The following PCDH11X variants were observed in gnomAD, a reference collection of about 807,000 sequenced individuals.
PCDH11X encodes the protein protocadherin-11 X-linked.
Under a neutral mutation model 53.3 loss-of-function variants are expected in PCDH11X, and 18 were observed. The observed-to-expected ratio is 0.34, with a 90% CI of 0.23 to 0.50. PCDH11X has a LOEUF of 0.50. Among genes scored for constraint, PCDH11X ranks in the 20% least tolerant of loss-of-function variants. The pLI, the probability that PCDH11X is intolerant of heterozygous loss-of-function variation, is 0.98. For missense variants in PCDH11X, 570 were observed against 1,032.4 expected, an observed-to-expected ratio of 0.55 and a Z score of 6.14; for synonymous variants, 279 against 393.3, an observed-to-expected ratio of 0.71 and a Z score of 3.44.
intron 7 of PCDH11X, among the ~76,000 whole-genome samples, chrX:92,252,698 A>G (rs775569724): frequency 9.0e-6 from 1 of 111,036 alleles, no homozygotes; most frequent in African/African-American, 3.3e-5. Flanking sequence ...ATTTTAGTCA[A>G]CTTTTAAAAG....
At chrX:92,043,056 G>GA (rs890135603) in intron 6 of PCDH11X, among the ~76,000 whole-genome samples, 5 of 108,964 alleles carry the variant, frequency 4.6e-5, no homozygotes, top group Non-Finnish European at 9.5e-5. Context: ...GTTATTGAAG[G>GA]AAAAAAACCT....
At chrX:92,408,740 G>T (rs1166027203) in intron 9 of PCDH11X, among the ~76,000 whole-genome samples, 1 of 109,780 alleles carries the variant, frequency 9.1e-6, no homozygotes, top group Non-Finnish European at 1.9e-5. Context: ...CTGCCACCAT[G>T]CCGGGCTAAT....
chrX:92,457,341 G>T (rs765612045), intron 9 of PCDH11X, among the ~76,000 whole-genome samples: 1 of 106,864 alleles, frequency 9.4e-6, no homozygotes. Context: ...TGTTCATACA[G>T]TTACAAAGTC....
chrX:92,348,150 GC>G (rs1779994924), intron 8 of PCDH11X, among the ~76,000 whole-genome samples: 1 of 111,541 alleles, frequency 9.0e-6, no homozygotes. Context: ...TAAAGCTGAA[GC>G]AAAACGGTTC....
At chrX:91,824,494 C>A (rs1399519605) in intron 4 of PCDH11X, among the ~76,000 whole-genome samples, 1 of 111,183 alleles carries the variant, frequency 9.0e-6, no homozygotes, top group East Asian at 2.8e-4. Flanking sequence ...GCATTCTTCA[C>A]GTATTTCTTG....
intron 6 of PCDH11X, among the ~76,000 whole-genome samples, chrX:92,046,234 T>C (rs753667205): frequency 3.6e-5 from 4 of 111,858 alleles, no homozygotes; most frequent in African/African-American, 1.3e-4. Flanking sequence ...GAATTGGTCA[T>C]TAAATTTTTG....
intron 8 of PCDH11X, among the ~76,000 whole-genome samples, chrX:92,360,575 T>C (rs1390802731): frequency 1.8e-5 from 2 of 110,451 alleles, no homozygotes; most frequent in Non-Finnish European, 3.8e-5. Flanking sequence ...AACAATGTTT[T>C]AGATCTCTAG....
chrX:92,055,930 T>G (rs1298255007), intron 6 of PCDH11X, among the ~76,000 whole-genome samples: 1 of 110,944 alleles, frequency 9.0e-6, no homozygotes. Flanking sequence ...GTACCACATT[T>G]TCTTTACCCA....
chrX:91,924,881 C>T (rs769333945), intron 6 of PCDH11X, among the ~76,000 whole-genome samples: 77 of 111,023 alleles, frequency 6.9e-4, no homozygotes, highest in African/African-American at 2.4e-3. Flanking sequence ...TTTTTTTAAA[C>T]ATGCCACTTA....
chrX:92,109,674 C>T (rs932143568), intron 6 of PCDH11X, among the ~76,000 whole-genome samples: 7 of 112,058 alleles, frequency 6.2e-5, no homozygotes, highest in African/African-American at 1.9e-4. Flanking sequence ...GACCCCTAAA[C>T]GTAATTCCTA....
At chrX:92,224,992 T>TA (rs1309070197) in intron 7 of PCDH11X, among the ~76,000 whole-genome samples, 2 of 111,621 alleles carry the variant, frequency 1.8e-5, no homozygotes, top group African/African-American at 3.3e-5. Context: ...TTCTGAGTGT[T>TA]TGATACTGCT....
At chrX:92,548,171 TTTTG>T (rs1276462348) in intron 10 of PCDH11X, among the ~76,000 whole-genome samples, 4 of 109,360 alleles carry the variant, frequency 3.7e-5, no homozygotes, top group Middle Eastern at 4.2e-3. Context: ...TTTTTCTAAG[TTTTG>T]TTTGTTTGTT....
intron 8 of PCDH11X, among the ~76,000 whole-genome samples, chrX:92,281,066 G>A (rs1294884977): frequency 9.0e-6 from 1 of 111,183 alleles, no homozygotes; most frequent in Non-Finnish European, 1.9e-5. Context: ...CTTGAGTGGT[G>A]ATAAATGAAT....
At chrX:92,215,341 T>G (rs2148342926) in intron 7 of PCDH11X, among the ~76,000 whole-genome samples, 1 of 106,935 alleles carries the variant, frequency 9.4e-6, no homozygotes, top group South Asian at 4.3e-4. Context: ...ATCGGGTCAC[T>G]CCCACCCTAA....
chrX:92,496,760 G>A (rs1196174227), intron 10 of PCDH11X, among the ~76,000 whole-genome samples: 1 of 108,420 alleles, frequency 9.2e-6, no homozygotes, highest in Non-Finnish European at 1.9e-5. Flanking sequence ...ATGTTATACC[G>A]CAGGTATGCT....
intron 5 of PCDH11X, among the ~76,000 whole-genome samples, chrX:91,844,924 A>G (rs1383345389): frequency 1.8e-5 from 2 of 110,392 alleles, no homozygotes; most frequent in Non-Finnish European, 3.8e-5. Flanking sequence ...TAACAGAAGA[A>G]CGAAGTTGTG....
At chrX:92,298,452 G>T in intron 8 of PCDH11X, among the ~76,000 whole-genome samples, 2 of 111,622 alleles carry the variant, frequency 1.8e-5, no homozygotes, top group South Asian at 7.6e-4. Flanking sequence ...CACATTTATT[G>T]GTTTGCATTT....
chrX:91,989,282 G>T (rs1274468855), intron 6 of PCDH11X, among the ~76,000 whole-genome samples: 2 of 111,334 alleles, frequency 1.8e-5, no homozygotes, highest in Admixed American at 9.6e-5. Flanking sequence ...AGAAAAGAAG[G>T]CCGGGCGCGG....
intron 8 of PCDH11X, among the ~76,000 whole-genome samples, chrX:92,308,937 C>A: frequency 9.1e-6 from 1 of 109,662 alleles, no homozygotes; most frequent in Non-Finnish European, 1.9e-5. Context: ...CAACAAGAAA[C>A]CACTTCTCAC....
Sources: gnomAD v4.1 joint callset for allele counts (sites outside exome capture counted in the v4.1 genomes callset) on GRCh38, gnomAD v4.1.1 for gene constraint, MANE v1.5 for transcripts, NCBI Gene and HGNC (gene_info 2026-07-23, HGNC 2026-07-21) for gene names.